PTPN4: variants seen among roughly 807,000 people sequenced by gnomAD.
The protein encoded by PTPN4 is tyrosine-protein phosphatase non-receptor type 4.
In PTPN4, 49 loss-of-function variants were observed where a neutral mutation model predicts 135.5. The ratio of observed to expected loss-of-function variants is 0.36; its 90% CI spans 0.29 to 0.46. The LOEUF (loss-of-function observed/expected upper bound fraction) is 0.46. PTPN4 is among the 20% of genes least tolerant of loss of function. The probability of loss-of-function intolerance (pLI) is 1.00; values close to 1 mark genes in which losing one functional copy is unlikely to be tolerated. For synonymous variants in PTPN4, 333 were observed against 369.9 expected (o/e 0.90, Z 1.14); for missense variants, 860 against 1,101.0 (o/e 0.78, Z 3.10).
chr2:119,766,438 G>A (rs1289537031), intron 1 of PTPN4, among the ~76,000 whole-genome samples: 1 of 107,052 alleles, frequency 9.3e-6, no homozygotes, highest in African/African-American at 3.9e-5. Flanking sequence ...TGGTGTATGC[G>A]CATGTGCGCG....
chr2:119,831,264 C>T (rs959662902), intron 2 of PTPN4, among the ~76,000 whole-genome samples: 2 of 152,162 alleles, frequency 1.3e-5, no homozygotes, highest in African/African-American at 4.8e-5. Flanking sequence ...TCCCGCCCAT[C>T]GCTCACCTCC....
rs1558718923 is a variant in PTPN4, at chr2:119,766,460, G to GCT, written c.-18+6076_-18+6077insCT. On this transcript the variant is annotated intron_variant, in intron 1 of 26. Transcript: ENST00000263708. ...TGCGCATGTGCGCGCGTGTGTGTGT[G>GCT]TGTGTGTGTGTGTGTGTGTGTGTCT... Among the ~76,000 whole-genome samples the GCT allele has an allele frequency of 2.7e-3, 373 of 140,144 alleles. 2 individuals are homozygous for GCT. Among genetic ancestry groups the GCT allele is most frequent in the Middle Eastern group, 0.01 (3 of 286 alleles). 91.9% of individuals were successfully genotyped at this position (140,144 alleles called of 152,430 possible). A position where few individuals can be genotyped will look rare whatever the true frequency, so the allele number is the denominator to read the frequency against.
chr2:119,787,009 A>G (rs1691058840), intron 1 of PTPN4, among the ~76,000 whole-genome samples: 1 of 152,220 alleles, frequency 6.6e-6, no homozygotes, highest in Non-Finnish European at 1.5e-5. Flanking sequence ...TTTATGCAGT[A>G]GACGTAATAT....
chr2:119,881,810 A>G lies in PTPN4; in HGVS notation c.393A>G (p.Lys131=), dbSNP rs760248992. The change falls in exon 6 of 27, where the codon AAA becomes AAG. Residue 131 remains lysine, a synonymous_variant. Transcript: ENST00000263708. Reference sequence around the variant, plus strand: ...GGTACCAGTATTTTTTGCAAATTAAACAAGACATTCTTACTGGAAGGTGGG... The same window carrying G: ...GGTACCAGTATTTTTTGCAAATTAAGCAAGACATTCTTACTGGAAGGTGGG... The part of the protein sequence containing the change: ...YTRYQYFLQI[K]QDILTGRLPC... 2 of 1,565,730 alleles carry G rather than the reference A, an allele frequency of 1.3e-6. No homozygotes were observed. The highest frequency in any genetic ancestry group is 1.7e-5 in the Admixed American group (1 of 57,668).
At chr2:119,973,869 G>T (rs528093872) in intron 26 of PTPN4, among the ~76,000 whole-genome samples, 1 of 151,084 alleles carries the variant, frequency 6.6e-6, no homozygotes, top group East Asian at 1.9e-4. Context: ...TTTTTTTTGT[G>T]AAGTTAGCAC....
At chr2:119,819,739 A>G (rs910535469) in intron 2 of PTPN4, among the ~76,000 whole-genome samples, 1 of 152,252 alleles carries the variant, frequency 6.6e-6, no homozygotes, top group African/African-American at 2.4e-5. Context: ...ATTAATGCTT[A>G]ATTATTTAAC....
chr2:119,917,306 C>T (rs1049088985), intron 11 of PTPN4, among the ~76,000 whole-genome samples: 1 of 152,142 alleles, frequency 6.6e-6, no homozygotes, highest in Non-Finnish European at 1.5e-5. Context: ...TGATTAAAGA[C>T]AGTATACAGG....
intron 11 of PTPN4, among the ~76,000 whole-genome samples, chr2:119,917,576 T>C (rs1370629645): frequency 1.3e-5 from 2 of 151,904 alleles, no homozygotes; most frequent in African/African-American, 4.8e-5. Context: ...TCTACTAAAA[T>C]ACAAAAAAAT....
At chr2:119,828,239 C>A (rs571339265) in intron 2 of PTPN4, among the ~76,000 whole-genome samples, 62 of 152,372 alleles carry the variant, frequency 4.1e-4, no homozygotes, top group Non-Finnish European at 7.8e-4. Flanking sequence ...TCTTGTACGT[C>A]AGATTCAATC....
At chr2:119,791,003 A>G (rs773564943) in intron 1 of PTPN4, among the ~76,000 whole-genome samples, 2 of 152,138 alleles carry the variant, frequency 1.3e-5, no homozygotes, top group African/African-American at 2.4e-5. Flanking sequence ...GCATCTTTAT[A>G]CATTGTAAGC....
chr2:119,964,430 T>G (rs1199704123), intron 24 of PTPN4, among the ~76,000 whole-genome samples: 1 of 152,230 alleles, frequency 6.6e-6, no homozygotes, highest in Non-Finnish European at 1.5e-5. Context: ...TGACTTTGTG[T>G]TTTTATTAAC....
chr2:119,764,126 C>T (rs912624198), intron 1 of PTPN4, among the ~76,000 whole-genome samples: 2 of 152,188 alleles, frequency 1.3e-5, no homozygotes, highest in African/African-American at 4.8e-5. Context: ...CTAAAGATTT[C>T]TGTTTAGTCA....
chr2:119,914,559 C>G (rs1678623919), intron 10 of PTPN4, among the ~76,000 whole-genome samples: 2 of 151,990 alleles, frequency 1.3e-5, no homozygotes, highest in Non-Finnish European at 2.9e-5. Context: ...AAAATATTTA[C>G]TTAGAAGACT....
At chr2:119,804,781 T>C (rs940358257) in intron 1 of PTPN4, among the ~76,000 whole-genome samples, 3 of 152,220 alleles carry the variant, frequency 2.0e-5, no homozygotes, top group Non-Finnish European at 4.4e-5. Context: ...TTATAATCCT[T>C]TGGGCATATA....
chr2:119,956,949 G>T lies in PTPN4; in HGVS notation c.2071+15G>T, dbSNP rs1679297441. ...TATTTCGCCTTGTAAGTATCTTATTGTCTCTGTTAAATTTAATCTTTTAAA... is the reference window on the plus strand; with the variant it reads ...TATTTCGCCTTGTAAGTATCTTATTTTCTCTGTTAAATTTAATCTTTTAAA... On this transcript the variant is annotated intron_variant, in intron 21 of 26. Coordinates refer to ENST00000263708, the MANE Select transcript of PTPN4 (RefSeq NM_002830.4). 1.9e-6 allele frequency: 3 copies of T among 1,601,980 alleles called. No individual in the cohort carries two copies. Among genetic ancestry groups the T allele is most frequent in the Non-Finnish European group, 2.5e-6 (3 of 1,177,130 alleles).
chr2:119,888,273 A>G (rs1180581983), intron 9 of PTPN4, among the ~76,000 whole-genome samples: 1 of 152,096 alleles, frequency 6.6e-6, no homozygotes, highest in Non-Finnish European at 1.5e-5. Flanking sequence ...TTTTAGATAT[A>G]AGATCATATC....
chr2:119,836,690 C>A (rs914718500), intron 2 of PTPN4, among the ~76,000 whole-genome samples: 1 of 152,244 alleles, frequency 6.6e-6, no homozygotes, highest in Admixed American at 6.5e-5. Flanking sequence ...AGCCCCTCAG[C>A]CCCTGCAGGC....
chr2:119,972,081 C>T (rs551795683), intron 26 of PTPN4, among the ~76,000 whole-genome samples: 11 of 152,010 alleles, frequency 7.2e-5, no homozygotes, highest in South Asian at 6.2e-4. Context: ...AATGTAAATC[C>T]GTAACTCTTT....
At chr2:119,781,556 G>T (rs1028897571) in intron 1 of PTPN4, among the ~76,000 whole-genome samples, 2 of 152,110 alleles carry the variant, frequency 1.3e-5, no homozygotes, top group Non-Finnish European at 2.9e-5. Context: ...TATTTCTTTT[G>T]ATTTATCTTC....
Sources: gnomAD v4.1 joint callset for allele counts (sites outside exome capture counted in the v4.1 genomes callset) on GRCh38, gnomAD v4.1.1 for gene constraint, MANE v1.5 for transcripts, NCBI Gene and HGNC (gene_info 2026-07-23, HGNC 2026-07-21) for gene names.